Variants in ZGPAT observed in about 807,000 individuals in gnomAD.
ZGPAT encodes the protein zinc finger CCCH-type with G patch domain-containing protein.
A neutral mutation model predicts 47.9 loss-of-function variants in ZGPAT; 39 were observed. That is an observed-to-expected ratio of 0.81 (90% CI 0.63 to 1.06). The LOEUF is 1.06. Ranked by LOEUF, ZGPAT falls within the 50% of genes least tolerant of loss-of-function variation. ZGPAT has a pLI of 0.00. For synonymous variants in ZGPAT, 348 were observed against 292.9 expected (o/e 1.19, Z -1.92); for missense variants, 717 against 681.4 (o/e 1.05, Z -0.58).
intron 2 of ZGPAT, among the ~76,000 whole-genome samples, chr20:63,719,696 T>C (rs2091767534): frequency 6.6e-6 from 1 of 151,696 alleles, no homozygotes; most frequent in African/African-American, 2.4e-5. Flanking sequence ...TTTAGTTCAT[T>C]ATCCATGGTT....
chr20:63,713,990 C>T (rs1043890126), intron 2 of ZGPAT, among the ~76,000 whole-genome samples: 4 of 151,640 alleles, frequency 2.6e-5, no homozygotes, highest in Non-Finnish European at 5.9e-5. Context: ...TCGATATATA[C>T]AATCATATAT....
intron 2 of ZGPAT, among the ~76,000 whole-genome samples, chr20:63,728,535 CTT>C (rs1290587109): frequency 6.6e-6 from 1 of 152,200 alleles, no homozygotes; most frequent in East Asian, 1.9e-4. Context: ...CCTGGCCTCT[CTT>C]GGAGCTCCCA....
In ZGPAT at chr20:63,729,013, T is replaced by G. The variant is rs575150859; in HGVS notation, c.585-4206T>G. Among the ~76,000 whole-genome samples, 29 of 152,154 alleles carry G rather than the reference T, an allele frequency of 1.9e-4. 2 individuals are homozygous for G. The South Asian group carries it at 6.0e-3, about 32-fold the overall frequency. On this transcript the variant is annotated intron_variant, in intron 2 of 6. Coordinates refer to ENST00000355969, the MANE Select transcript of ZGPAT (RefSeq NM_181485.3). ...GAGTTTTGATAATTTTGTCTAGTTT[T>G]AGATTATTTTTTCTTTTTTTCTTTT... is the stretch of plus-strand genomic sequence containing the variant.
intron 2 of ZGPAT, among the ~76,000 whole-genome samples, chr20:63,730,843 G>A (rs1200845296): frequency 6.6e-6 from 1 of 152,072 alleles, no homozygotes; most frequent in Non-Finnish European, 1.5e-5. Context: ...TGGCAGCAGT[G>A]GATGGCGGTT....
chr20:63,735,529 G>T lies in ZGPAT; in HGVS notation c.1362G>T (p.Arg454Ser). The T allele has an allele frequency of 6.6e-7, 1 of 1,519,634 alleles. No individual in the cohort carries two copies. The highest frequency in any genetic ancestry group is 8.8e-7 in the Non-Finnish European group (1 of 1,135,872). 94.1% of individuals were successfully genotyped at this position (1,519,634 alleles called of 1,614,324 possible). ...TCGAGCGAACCCAGCGGGACATCAG[G>T]AGCATCCAGGAGGCTCTCGCCCGCA... ...EKIERTQRDI[R>S]SIQEALARNA... is the part of the protein sequence containing the mutation. The change falls in exon 6 of 7, where the codon AGG becomes AGT. Residue 454 changes from arginine (R) to serine (S), a missense_variant. Physicochemically the swap from Arg to Ser is moderately radical, Grantham distance 110 (BLOSUM62 -1). Transcript: ENST00000355969.
chr20:63,732,641 CAT>C (rs567734654), intron 2 of ZGPAT, among the ~76,000 whole-genome samples: 98 of 59,546 alleles, frequency 1.6e-3, no homozygotes, highest in African/African-American at 5.9e-3. Context: ...CGTGTGAGTA[CAT>C]GTGTTAATGT....
chr20:63,718,334 C>T (rs2091752695), intron 2 of ZGPAT, among the ~76,000 whole-genome samples: 1 of 151,330 alleles, frequency 6.6e-6, no homozygotes, highest in Admixed American at 6.6e-5. Flanking sequence ...GTTTTTCTTT[C>T]TTTCTTTTTT....
intron 2 of ZGPAT, among the ~76,000 whole-genome samples, chr20:63,727,034 G>A (rs572869166): frequency 6.6e-6 from 1 of 151,890 alleles, no homozygotes; most frequent in Non-Finnish European, 1.5e-5. Context: ...TTACATTAGG[G>A]CTAACTCTTG....
intron 2 of ZGPAT, chr20:63,730,049 A>ACACACACACACACACAC: frequency 1.9e-5 from 1 of 52,220 alleles, no homozygotes; most frequent in East Asian, 8.1e-4. Flanking sequence ...CACACACACA[A>ACACACACACACACACAC]AATAATAGAA....
chr20:63,732,682 A>C (rs997797913), intron 2 of ZGPAT, among the ~76,000 whole-genome samples: 12 of 151,478 alleles, frequency 7.9e-5, no homozygotes, highest in Middle Eastern at 3.4e-3. Flanking sequence ...GCCTGTGTGC[A>C]TGTGTGTATG....
chr20:63,724,084 G>A (rs941478232), intron 2 of ZGPAT, among the ~76,000 whole-genome samples: 1 of 152,078 alleles, frequency 6.6e-6, no homozygotes, highest in Admixed American at 6.6e-5. Flanking sequence ...GAAGTAAAGG[G>A]ACTAGGAATG....
intron 2 of ZGPAT, among the ~76,000 whole-genome samples, chr20:63,714,088 C>G (rs1334669251): frequency 1.3e-5 from 2 of 151,752 alleles, no homozygotes; most frequent in African/African-American, 4.8e-5. Context: ...CTTTTTCTTG[C>G]TTAACTGCCT....
In ZGPAT at chr20:63,736,078, C is replaced by T. The variant is rs1348997505; in HGVS notation, c.*159C>T. 13 of 1,014,496 alleles carry T rather than the reference C, an allele frequency of 1.3e-5. No homozygotes were observed. 62.8% of individuals were successfully genotyped at this position (1,014,496 alleles called of 1,614,324 possible). On this transcript the variant is annotated 3_prime_UTR_variant, in exon 7 of 7. Transcript: ENST00000355969. ...GGGGTCCCATCTGGACACTTACTTGCCCACCTGCCAGTGTCTTGGGCATTT... is the reference window on the plus strand; with the variant it reads ...GGGGTCCCATCTGGACACTTACTTGTCCACCTGCCAGTGTCTTGGGCATTT...
chr20:63,721,905 C>T (rs1019961985), intron 2 of ZGPAT, among the ~76,000 whole-genome samples: 3 of 150,856 alleles, frequency 2.0e-5, no homozygotes, highest in Admixed American at 1.3e-4. Context: ...CTCAGCTACT[C>T]GGGAGGCTGA....
chr20:63,725,458 G>A (rs1265221696), intron 2 of ZGPAT, among the ~76,000 whole-genome samples: 8 of 152,160 alleles, frequency 5.3e-5, no homozygotes, highest in African/African-American at 1.9e-4. Context: ...CATTGTTTCT[G>A]ATGAGAAGTC....
Position 63,735,252 on chromosome 20 carries a change from A to G in ZGPAT, c.1085A>G (p.Gln362Arg), listed in dbSNP as rs1236346601. ...KSLDQCVETL[Q>R]KQTRVGKAGT... ...CTGGACCAGTGTGTGGAGACCCTGC[A>G]GAAGCAGACCAGGGTTGGCAAGGCT... Residue 362 changes from glutamine to arginine, a missense_variant, in exon 6 of 7, where the codon CAG becomes CGG. Physicochemically the swap from Gln to Arg is conservative, Grantham distance 43. Coordinates refer to ENST00000355969, the MANE Select transcript of ZGPAT (RefSeq NM_181485.3). 1 of 1,605,574 alleles carries G rather than the reference A, an allele frequency of 6.2e-7. No homozygotes were observed. The highest frequency in any genetic ancestry group is 1.1e-5 in the South Asian group (1 of 89,972).
At chr20:63,708,494 C>T (rs1270426521) in intron 1 of ZGPAT, 59 bp from the exon 2 acceptor site, 3 of 1,296,132 alleles carry the variant, frequency 2.3e-6, no homozygotes, top group East Asian at 2.5e-5. Flanking sequence ...CCCGTGCCCG[C>T]CCTCAGGCTG....
chr20:63,715,115 A>G (rs1321707485), intron 2 of ZGPAT, among the ~76,000 whole-genome samples: 1 of 151,696 alleles, frequency 6.6e-6, no homozygotes, highest in African/African-American at 2.4e-5. Context: ...TTATTTTTGT[A>G]GAGATGAGAT....
At chr20:63,716,367 G>A (rs773444636) in intron 2 of ZGPAT, among the ~76,000 whole-genome samples, 5 of 152,086 alleles carry the variant, frequency 3.3e-5, no homozygotes, top group Non-Finnish European at 7.4e-5. Context: ...ATGTTTCTAG[G>A]AATTTGTCCA....
Sources: allele counts gnomAD v4.1 joint callset (sites outside exome capture counted in the v4.1 genomes callset), GRCh38; gene constraint gnomAD v4.1.1; transcripts MANE v1.5; gene names NCBI Gene and HGNC (gene_info 2026-07-23, HGNC 2026-07-21).